CEP72: variants seen among roughly 807,000 people sequenced by gnomAD.
The protein encoded by CEP72 is centrosomal protein 72.
CEP72 carries 78 observed loss-of-function variants against 65.7 expected under a neutral mutation model. That is an observed-to-expected ratio of 1.19 (90% CI 0.99 to 1.43). CEP72 has a LOEUF of 1.43. CEP72 is among the 40% of genes most tolerant of loss of function. The pLI, the probability that CEP72 is intolerant of heterozygous loss-of-function variation, is 0.00. For synonymous variants in CEP72, 358 were observed against 351.7 expected, an observed-to-expected ratio of 1.02 and a Z score of -0.20; for missense variants, 914 against 832.9, an observed-to-expected ratio of 1.10 and a Z score of -1.20.
intron 11 of CEP72, among the ~76,000 whole-genome samples, chr5:651,877 C>A (rs1449294264): frequency 6.6e-6 from 1 of 151,964 alleles, no homozygotes; most frequent in Non-Finnish European, 1.5e-5. Context: ...GCTCCCTCCC[C>A]CACTCCTCAG....
At chr5:675,146 GC>G in the CEP72 span, among the ~76,000 whole-genome samples, 1 of 144,986 alleles carries the variant, frequency 6.9e-6, no homozygotes, top group African/African-American at 2.6e-5. Context: ...GTGCAGTGTG[GC>G]CAGGGGTGCA....
intron 4 of CEP72, among the ~76,000 whole-genome samples, chr5:628,732 CTTCT>C (rs1736968940): frequency 3.0e-5 from 4 of 135,262 alleles, no homozygotes; most frequent in Admixed American, 7.3e-5. Context: ...CTTTGTGCAG[CTTCT>C]GGAGAACTCA....
In CEP72 at chr5:640,287, C is replaced by G. The variant is rs1579993056; in HGVS notation, c.1343-121C>G. 3 of 1,365,504 alleles carry G rather than the reference C, an allele frequency of 2.2e-6. No homozygotes were observed. In the East Asian group the frequency reaches 7.1e-5, roughly 32 times the overall value. The allele number at this position is 1,365,504 out of a possible 1,614,324, so 84.6% of individuals were successfully genotyped here. A position where few individuals can be genotyped will look rare whatever the true frequency, so the allele number is the denominator to read the frequency against. Reference sequence around the variant, plus strand: ...TGTGGCGCCAACACCCCTTTCCCCTCTCCCTACCTGTCGTCTTTTTGAGGC... The same window carrying G: ...TGTGGCGCCAACACCCCTTTCCCCTGTCCCTACCTGTCGTCTTTTTGAGGC... On this transcript the variant is annotated intron_variant, in intron 8 of 11. Coordinates refer to ENST00000264935, the MANE Select transcript of CEP72 (RefSeq NM_018140.4).
At chr5:628,614 G>A (rs1297329555) in intron 4 of CEP72, among the ~76,000 whole-genome samples, 2 of 119,998 alleles carry the variant, frequency 1.7e-5, no homozygotes, top group African/African-American at 5.4e-5. Flanking sequence ...GAGAACTCAG[G>A]TCGCAGTCCC....
rs1307838397 is a variant in CEP72 at position 620,344 on chromosome 5, T to C, written c.403+83T>C. The C allele has an allele frequency of 4.2e-6, 5 of 1,180,898 alleles. No individual in the cohort carries two copies. In the East Asian group the frequency reaches 1.2e-4, roughly 28 times the overall value. The allele number at this position is 1,180,898 out of a possible 1,614,324, so 73.2% of individuals were successfully genotyped here. On this transcript the variant is annotated intron_variant, in intron 3 of 11. Transcript: ENST00000264935. ...GGAGTCGTAGTGGGTGTCTGTGTGC[T>C]CAACGTCACATGCTTGATTCCTTCT...
rs145770564 is a variant in CEP72 at position 649,407 on chromosome 5, C to T, written c.1778+1491C>T. Among the ~76,000 whole-genome samples, 268 of 47,998 alleles carry T rather than the reference C, an allele frequency of 5.6e-3. 25 individuals carry two copies. Among genetic ancestry groups the T allele is most frequent in the Admixed American group, 0.012 (37 of 3,186 alleles). The allele number at this position is 47,998 out of a possible 152,430, so 31.5% of individuals were successfully genotyped here. A position where few individuals can be genotyped will look rare whatever the true frequency, so the allele number is the denominator to read the frequency against. ...GTGACTGTGAGGTGTGCCTGTGAGG[C>T]GTGGACTGTGAGGCGTGGACTGTGA... On this transcript the variant is annotated intron_variant, in intron 11 of 11. Coordinates refer to ENST00000264935, the MANE Select transcript of CEP72 (RefSeq NM_018140.4).
chr5:653,368 A>G lies in CEP72; in HGVS notation c.*215A>G. On this transcript the variant is annotated 3_prime_UTR_variant, in exon 12 of 12. Coordinates refer to ENST00000264935, the MANE Select transcript of CEP72 (RefSeq NM_018140.4). ...TACTCCAAGCCCTCTGCATGTTTTCAGACAGAACACATTGACATATTTTGA... is the reference window on the plus strand; with the variant it reads ...TACTCCAAGCCCTCTGCATGTTTTCGGACAGAACACATTGACATATTTTGA... 2.3e-6 allele frequency: 1 copy of G among 444,048 alleles called. No homozygotes were observed. 27.5% of individuals were successfully genotyped at this position (444,048 alleles called of 1,614,324 possible). A position where few individuals can be genotyped will look rare whatever the true frequency, so the allele number is the denominator to read the frequency against.
At chr5:614,131 GTTTCAAAGA>G (rs1735847951) in intron 1 of CEP72, among the ~76,000 whole-genome samples, 31 of 152,120 alleles carry the variant, frequency 2.0e-4, no homozygotes, top group Admixed American at 2.0e-3. Flanking sequence ...GTTATTGATA[GTTTCAAAGA>G]ACCGACTTTG....
chr5:620,978 C>T (rs746760153), intron 3 of CEP72, among the ~76,000 whole-genome samples: 1 of 152,204 alleles, frequency 6.6e-6, no homozygotes, highest in Non-Finnish European at 1.5e-5. Context: ...GGAGAGAAAG[C>T]TGGGGCCTCA....
In CEP72 at chr5:649,308, C is replaced by CTG. The variant is rs778475245; in HGVS notation, c.1778+1393_1778+1394dup. ...GTGAGGCATGGACTGTGAGGCGTGA[C>CTG]TGAGGCGTGACTGTGAGGCGTGACT... On this transcript the variant is annotated intron_variant, in intron 11 of 11. Coordinates refer to ENST00000264935, the MANE Select transcript of CEP72 (RefSeq NM_018140.4). 8.4e-4 allele frequency among the ~76,000 whole-genome samples: 49 copies of CTG among 58,032 alleles called. 5 individuals carry two copies. Among genetic ancestry groups the CTG allele is most frequent in the African/African-American group, 4.5e-3 (46 of 10,296 alleles). The allele number at this position is 58,032 out of a possible 152,430, so 38.1% of individuals were successfully genotyped here.
chr5:627,976 C>T (rs540705363), intron 4 of CEP72, among the ~76,000 whole-genome samples: 9 of 152,292 alleles, frequency 5.9e-5, no homozygotes, highest in South Asian at 4.1e-4. Flanking sequence ...TCTCAGGGTG[C>T]GCGCGGGCAC....
In CEP72 at chr5:623,618, G is replaced by A. The variant is rs72705017; in HGVS notation, c.404-853G>A. On this transcript the variant is annotated intron_variant, in intron 3 of 11. Coordinates refer to ENST00000264935, the MANE Select transcript of CEP72 (RefSeq NM_018140.4). This position sits in a 1 kb window ranked among gnomAD's most constrained non-coding sequence, Gnocchi z 5.3. ...CTTGGTGGGCAGAGAGCTATGCGTCGTTAGTGCGGGGCTGGTGAAGGCCGG... is the reference window on the plus strand; with the variant it reads ...CTTGGTGGGCAGAGAGCTATGCGTCATTAGTGCGGGGCTGGTGAAGGCCGG... Among the ~76,000 whole-genome samples the A allele has an allele frequency of 0.13, 19,667 of 151,764 alleles. 1,617 individuals carry two copies. The highest frequency in any genetic ancestry group is 0.19 in the Non-Finnish European group (12,841 of 67,890).
chr5:613,526 C>T (rs367669325), intron 1 of CEP72, among the ~76,000 whole-genome samples: 11 of 152,298 alleles, frequency 7.2e-5, no homozygotes, highest in African/African-American at 2.4e-4. Flanking sequence ...CCACCATGCC[C>T]GGCTAATTTT....
downstream of CEP72, among the ~76,000 whole-genome samples, chr5:668,548 CAAAT>C (rs539069587): frequency 6.0e-3 from 909 of 152,232 alleles, 3 homozygotes; most frequent in Middle Eastern, 0.014. Context: ...CTCAGACAAT[CAAAT>C]AAACTGCCGG....
exon 5 of CEP72, chr5:666,961 A>G (rs1362008734): frequency 6.6e-6 from 1 of 152,332 alleles, no homozygotes; most frequent in East Asian, 1.9e-4. Context: ...GCATTTCACC[A>G]GGGAAGCCTC....
downstream of CEP72, among the ~76,000 whole-genome samples, chr5:657,542 C>T (rs1223659745): frequency 6.6e-6 from 1 of 152,232 alleles, no homozygotes; most frequent in Non-Finnish European, 1.5e-5. Context: ...TCACTTGTGC[C>T]TGGAACTTTC....
At chr5:652,843 G>A (rs1739195726) in intron 11 of CEP72, 145 bp from the exon 12 acceptor site, 1 of 881,754 alleles carries the variant, frequency 1.1e-6, no homozygotes, top group Non-Finnish European at 1.7e-6. Context: ...GGACACAGAA[G>A]GTGATGGGGC....
the CEP72 span, among the ~76,000 whole-genome samples, chr5:672,178 TG>T: frequency 2.6e-5 from 4 of 152,146 alleles, no homozygotes; most frequent in Admixed American, 2.6e-4. Context: ...CCTCCACACT[TG>T]GGGTGACCAC....
At chr5:628,105 G>T (rs952914152) in intron 4 of CEP72, among the ~76,000 whole-genome samples, 1 of 152,208 alleles carries the variant, frequency 6.6e-6, no homozygotes, top group Non-Finnish European at 1.5e-5. Context: ...TAGCACAGTG[G>T]CACAGACACG....
Sources: gnomAD v4.1 joint callset for allele counts (sites outside exome capture counted in the v4.1 genomes callset) on GRCh38, gnomAD v4.1.1 for gene constraint, Gnocchi (gnomAD v3.1) non-coding constraint, MANE v1.5 for transcripts, NCBI Gene and HGNC (gene_info 2026-07-23, HGNC 2026-07-21) for gene names.